Variants in CFAP77 observed in about 807,000 individuals in gnomAD.
CFAP77 encodes cilia and flagella associated protein 77.
Under a neutral mutation model 31.1 loss-of-function variants are expected in CFAP77, and 25 were observed. That is an observed-to-expected ratio of 0.80 (90% CI 0.59 to 1.12). The LOEUF (loss-of-function observed/expected upper bound fraction) is 1.12. Among genes scored for constraint, CFAP77 ranks in the 50% most tolerant of loss-of-function variants. The pLI, the probability that CFAP77 is intolerant of heterozygous loss-of-function variation, is 0.00. For missense variants in CFAP77, 377 were observed against 397.3 expected (o/e 0.95, Z 0.44); for synonymous variants, 151 against 159.9 (o/e 0.94, Z 0.42).
At chr9:132,422,615 G>T (rs1036121709) in intron 1 of CFAP77, among the ~76,000 whole-genome samples, 4 of 152,228 alleles carry the variant, frequency 2.6e-5, no homozygotes, top group African/African-American at 9.6e-5. Context: ...TTTGGGGAAA[G>T]AGGGCCAGGG....
intron 1 of CFAP77, among the ~76,000 whole-genome samples, chr9:132,489,942 C>G (rs991664316): frequency 1.9e-4 from 29 of 152,080 alleles, no homozygotes; most frequent in Non-Finnish European, 3.8e-4. Flanking sequence ...AACAGAATAC[C>G]TGAGATGGGG....
Position 132,572,477 on chromosome 9 carries a change from G to T in CFAP77, c.822G>T (p.Gly274=). 6.2e-7 allele frequency: 1 copy of T among 1,609,310 alleles called. No homozygotes were observed. The highest frequency in any genetic ancestry group is 8.5e-7 in the Non-Finnish European group (1 of 1,179,890). The change falls in exon 6 of 6, where the codon GGG becomes GGT. Residue 274 remains glycine, a synonymous_variant. Transcript: ENST00000393216. The stretch of plus-strand genomic sequence containing the variant: ...GGGAAGAGTGTGCCGTGCGCCAGGG[G>T]ACCCTGCGGATGGGCAACTACACCC... ...AHREECAVRQ[G]TLRMGNYTHP
At chr9:132,446,268 G>C (rs566033357) in intron 1 of CFAP77, among the ~76,000 whole-genome samples, 2 of 152,210 alleles carry the variant, frequency 1.3e-5, no homozygotes, top group East Asian at 3.9e-4. Context: ...CCAGAGAGCA[G>C]GGCTGAACCC....
At chr9:132,510,368 G>A (rs1852014588) in intron 3 of CFAP77, among the ~76,000 whole-genome samples, 1 of 152,266 alleles carries the variant, frequency 6.6e-6, no homozygotes, top group East Asian at 1.9e-4. Flanking sequence ...CTTGGTGCCT[G>A]GCCCGGCCGT....
chr9:132,434,827 G>A (rs2131695413), intron 1 of CFAP77, among the ~76,000 whole-genome samples: 1 of 152,276 alleles, frequency 6.6e-6, no homozygotes, highest in East Asian at 1.9e-4. Context: ...ATCCAAATGG[G>A]CACTTTGAAA....
At chr9:132,494,490 G>A (rs758175977) in intron 1 of CFAP77, among the ~76,000 whole-genome samples, 13 of 152,156 alleles carry the variant, frequency 8.5e-5, no homozygotes, top group Non-Finnish European at 1.8e-4. Flanking sequence ...ATCCACCTAC[G>A]ATGGCCACTT....
At chr9:132,555,693 G>C (rs12340300) in intron 5 of CFAP77, among the ~76,000 whole-genome samples, 59,631 of 151,946 alleles carry the variant, frequency 0.39, 11,951 homozygotes, top group African/African-American at 0.48. Context: ...TCAGAATGAA[G>C]AGTGGAGGCT....
chr9:132,507,861 A>C (rs183210544), intron 3 of CFAP77, among the ~76,000 whole-genome samples: 36 of 151,458 alleles, frequency 2.4e-4, no homozygotes, highest in African/African-American at 8.7e-4. Flanking sequence ...TGGATCTCGC[A>C]AAGATCCCCG....
At position 132,495,440 on chromosome 9, in the gene CFAP77, C is replaced by T. The variant is rs963239979; in HGVS notation, c.196-3255C>T. ...CTTCCCCGGCAGTCACTGGAGAGGC[C>T]GGATCATTTTCATAAACAAATGAGA... On this transcript the variant is annotated intron_variant, in intron 1 of 5. Coordinates refer to ENST00000393216, the MANE Select transcript of CFAP77 (RefSeq NM_001282957.2). This position sits in a 1 kb window ranked among gnomAD's most constrained non-coding sequence, Gnocchi z 4.2. Among the ~76,000 whole-genome samples, 11 of 151,980 alleles carry T rather than the reference C, an allele frequency of 7.2e-5. No homozygotes were observed. Among genetic ancestry groups the T allele is most frequent in the African/African-American group, 1.5e-4 (6 of 41,358 alleles).
chr9:132,457,070 A>G (rs1303498709), intron 1 of CFAP77, among the ~76,000 whole-genome samples: 4 of 152,124 alleles, frequency 2.6e-5, no homozygotes, highest in Non-Finnish European at 4.4e-5. Context: ...ACTGGCCCCT[A>G]CTGGGACAGC....
rs575178169 is a variant in CFAP77, at chr9:132,546,114, G to T, written c.732+3067G>T. Among the ~76,000 whole-genome samples, 14 of 152,316 alleles carry T rather than the reference G, an allele frequency of 9.2e-5. 1 individual carries two copies. The South Asian group carries it at 2.9e-3, about 32-fold the overall frequency. On this transcript the variant is annotated intron_variant, in intron 5 of 5. Coordinates refer to ENST00000393216, the MANE Select transcript of CFAP77 (RefSeq NM_001282957.2). ...ACATCTGTGGAATGAATGAATGAGG[G>T]GATGAAAGACTGAACCGCCAGTACA...
intron 1 of CFAP77, among the ~76,000 whole-genome samples, chr9:132,463,116 T>TG (rs768394878): frequency 1.3e-5 from 2 of 152,078 alleles, no homozygotes; most frequent in Non-Finnish European, 2.9e-5. Flanking sequence ...AAAGGGTGCC[T>TG]GGGCGGGCTG....
intron 3 of CFAP77, among the ~76,000 whole-genome samples, chr9:132,508,802 ATCATCCCTATTC>A (rs1470508057): frequency 6.6e-6 from 1 of 152,176 alleles, no homozygotes; most frequent in East Asian, 1.9e-4. Context: ...AGTAGAGACT[ATCATCCCTATTC>A]TACAGATGGG....
intron 1 of CFAP77, among the ~76,000 whole-genome samples, chr9:132,432,524 C>A (rs1850427750): frequency 7.4e-6 from 1 of 134,702 alleles, no homozygotes; most frequent in Non-Finnish European, 1.5e-5. Context: ...CCTTCTTAGT[C>A]CTTGGTTCCT....
Position 132,526,272 on chromosome 9 carries a change from C to T in CFAP77, c.525-11329C>T, listed in dbSNP as rs1852359342. ...TGAGATGGAGTCTCACTCTGTTGCC[C>T]AGGCTGGAGTGCAGTGGTGCGATCT... On this transcript the variant is annotated intron_variant, in intron 3 of 5. Transcript: ENST00000393216. Among the ~76,000 whole-genome samples the T allele has an allele frequency of 2.6e-5, 4 of 151,860 alleles. No individual in the cohort carries two copies. The South Asian group carries it at 8.3e-4, about 32-fold the overall frequency.
chr9:132,493,896 T>C (rs995806998), intron 1 of CFAP77, among the ~76,000 whole-genome samples: 7 of 151,788 alleles, frequency 4.6e-5, no homozygotes, highest in African/African-American at 1.7e-4. Context: ...TTTCTTTTCT[T>C]TCCTTCCTTC....
At chr9:132,442,649 GC>G (rs929634935) in intron 1 of CFAP77, among the ~76,000 whole-genome samples, 12 of 151,714 alleles carry the variant, frequency 7.9e-5, no homozygotes, top group Non-Finnish European at 1.5e-4. Context: ...AGATAATCAT[GC>G]CCATCTTTTT....
intron 1 of CFAP77, among the ~76,000 whole-genome samples, chr9:132,437,012 G>T (rs924158664): frequency 1.2e-4 from 19 of 152,282 alleles, no homozygotes; most frequent in African/African-American, 4.6e-4. Context: ...TAAAGTTACA[G>T]TAGAGCTTGC....
chr9:132,492,318 AAACAAC>A (rs756852186), intron 1 of CFAP77, among the ~76,000 whole-genome samples: 1 of 152,092 alleles, frequency 6.6e-6, no homozygotes, highest in Admixed American at 6.5e-5. Flanking sequence ...ACAAAAAACA[AAACAAC>A]AACAACAAAA....
Sources: gnomAD v4.1 joint callset for allele counts (sites outside exome capture counted in the v4.1 genomes callset) on GRCh38, gnomAD v4.1.1 for gene constraint, Gnocchi (gnomAD v3.1) non-coding constraint, MANE v1.5 for transcripts, NCBI Gene and HGNC (gene_info 2026-07-23, HGNC 2026-07-21) for gene names.